Variants in RNF216 observed in about 807,000 individuals in gnomAD.
RNF216 encodes the protein E3 ubiquitin-protein ligase RNF216.
Under a neutral mutation model 110.8 loss-of-function variants are expected in RNF216, and 72 were observed. That is an observed-to-expected ratio of 0.65 (90% CI 0.54 to 0.79). RNF216 has a LOEUF of 0.79. Among genes scored for constraint, RNF216 ranks in the 30% least tolerant of loss-of-function variants. The pLI is 0.00. For missense variants in RNF216, 1,342 were observed against 1,141.2 expected, an observed-to-expected ratio of 1.18 and a Z score of -2.54; for synonymous variants, 495 against 407.5, an observed-to-expected ratio of 1.21 and a Z score of -2.59.
chr7:5,711,870 T>C (rs1792718162), intron 12 of RNF216, 31 bp from the exon 13 acceptor site: 3 of 1,593,606 alleles, frequency 1.9e-6, no homozygotes. Context: ...CTGACATTAC[T>C]TCAAACATTA....
intron 13 of RNF216, among the ~76,000 whole-genome samples, chr7:5,655,243 T>C (rs537937977): frequency 6.6e-6 from 1 of 152,102 alleles, no homozygotes; most frequent in South Asian, 2.1e-4. Flanking sequence ...TACGTCACAG[T>C]GCTTCTTCTG....
chr7:5,757,576 T>C (rs999793232), intron 2 of RNF216, among the ~76,000 whole-genome samples: 17 of 152,224 alleles, frequency 1.1e-4, no homozygotes, highest in Admixed American at 1.0e-3. Flanking sequence ...AATGAGTTAC[T>C]GATATATGCA....
intron 3 of RNF216, among the ~76,000 whole-genome samples, chr7:5,744,178 A>C (rs1287809885): frequency 6.6e-6 from 1 of 152,150 alleles, no homozygotes; most frequent in East Asian, 1.9e-4. Flanking sequence ...AAGAAGAAGA[A>C]TCGAACGCAA....
chr7:5,726,252 G>C (rs1275299410), intron 7 of RNF216, among the ~76,000 whole-genome samples: 1 of 152,160 alleles, frequency 6.6e-6, no homozygotes, highest in African/African-American at 2.4e-5. Flanking sequence ...CTCCATCCTG[G>C]GTAACACAGG....
chr7:5,645,108 C>T (rs1371104080), intron 14 of RNF216, among the ~76,000 whole-genome samples: 1 of 152,076 alleles, frequency 6.6e-6, no homozygotes, highest in South Asian at 2.1e-4. Context: ...AGCCACCGTG[C>T]CCCGCCTGTT....
chr7:5,674,958 C>T (rs1276036475), intron 13 of RNF216, among the ~76,000 whole-genome samples: 1 of 152,028 alleles, frequency 6.6e-6, no homozygotes, highest in Non-Finnish European at 1.5e-5. Context: ...GATCGCGCCA[C>T]TGCACTCCAG....
chr7:5,626,100 C>A (rs1562766487), intron 15 of RNF216, among the ~76,000 whole-genome samples: 1 of 152,192 alleles, frequency 6.6e-6, no homozygotes, highest in Non-Finnish European at 1.5e-5. Flanking sequence ...CCCAAGCACA[C>A]CACAGAATCC....
intron 3 of RNF216, among the ~76,000 whole-genome samples, chr7:5,751,178 G>A (rs1047711255): frequency 6.6e-6 from 1 of 152,106 alleles, no homozygotes; most frequent in African/African-American, 2.4e-5. Flanking sequence ...TCTTTCTCCA[G>A]CTGGAACAAC....
chr7:5,630,646 G>A (rs951464932), intron 15 of RNF216, among the ~76,000 whole-genome samples: 9 of 152,078 alleles, frequency 5.9e-5, no homozygotes, highest in Non-Finnish European at 8.8e-5. Context: ...TCCCACCTCC[G>A]CCTCCCAAAG....
At chr7:5,678,485 G>A (rs1018800994) in intron 13 of RNF216, among the ~76,000 whole-genome samples, 10 of 152,170 alleles carry the variant, frequency 6.6e-5, no homozygotes, top group Non-Finnish European at 7.4e-5. Context: ...GTCCCCACAT[G>A]ACCTGGTGGT....
intron 15 of RNF216, among the ~76,000 whole-genome samples, chr7:5,639,727 T>C (rs972429366): frequency 2.6e-5 from 4 of 151,958 alleles, no homozygotes; most frequent in African/African-American, 2.4e-5. Flanking sequence ...CCCAAAGTGC[T>C]AGGATTATAG....
At position 5,624,508 on chromosome 7, in the gene RNF216, A is replaced by G. The variant is rs1187465663; in HGVS notation, c.2383-383T>C. On this transcript the variant is annotated intron_variant, in intron 15 of 16. Transcript: ENST00000389902. This position sits in a 1 kb window ranked among gnomAD's most constrained non-coding sequence, Gnocchi z 4.4. ...GAAAAGTTTCAGATCCCAAGTCCACAAGCGCTCGGCATGGCAGCCTGTCTG... is the reference window on the plus strand; with the variant it reads ...GAAAAGTTTCAGATCCCAAGTCCACGAGCGCTCGGCATGGCAGCCTGTCTG... 6.6e-6 allele frequency among the ~76,000 whole-genome samples: 1 copy of G among 152,250 alleles called. No homozygotes were observed. The highest frequency in any genetic ancestry group is 1.5e-5 in the Non-Finnish European group (1 of 68,038).
intron 7 of RNF216, among the ~76,000 whole-genome samples, chr7:5,728,659 G>A (rs537043431): frequency 2.0e-5 from 3 of 152,288 alleles, no homozygotes; most frequent in Non-Finnish European, 4.4e-5. Context: ...CCTTGGCTTG[G>A]TTCTTCCCTT....
At chr7:5,738,463 C>CTT (rs1794563128) in intron 5 of RNF216, among the ~76,000 whole-genome samples, 1 of 152,056 alleles carries the variant, frequency 6.6e-6, no homozygotes, top group African/African-American at 2.4e-5. Context: ...AATCCCAGCA[C>CTT]TTTGGGAGGC....
intron 15 of RNF216, among the ~76,000 whole-genome samples, chr7:5,628,457 G>T (rs756690726): frequency 6.6e-6 from 1 of 151,954 alleles, no homozygotes; most frequent in Non-Finnish European, 1.5e-5. Context: ...CAACTTAAAA[G>T]TTTTTTTTCT....
chr7:5,774,291 G>C (rs1468379345), intron 1 of RNF216, among the ~76,000 whole-genome samples: 1 of 152,146 alleles, frequency 6.6e-6, no homozygotes, highest in South Asian at 2.1e-4. Context: ...ATTAGTTGCG[G>C]GTAGGTAGAG....
intron 14 of RNF216, 94 bp downstream of exon 14, chr7:5,652,319 G>A (rs1047363454): frequency 1.7e-5 from 15 of 894,406 alleles, no homozygotes; most frequent in Admixed American, 7.1e-5. Flanking sequence ...GCTCAAGCGT[G>A]TTCTTCCGAC....
At chr7:5,770,556 T>C (rs996556558) in intron 1 of RNF216, among the ~76,000 whole-genome samples, 2 of 152,056 alleles carry the variant, frequency 1.3e-5, no homozygotes, top group Non-Finnish European at 2.9e-5. Context: ...TTTGCAAAGA[T>C]GTCCTTTCAC....
At chr7:5,651,478 T>A (rs1321702773) in intron 14 of RNF216, among the ~76,000 whole-genome samples, 2 of 152,238 alleles carry the variant, frequency 1.3e-5, no homozygotes, top group East Asian at 1.9e-4. Context: ...GCGATCTACC[T>A]GCCTTAGCCT....
Sources: gnomAD v4.1 joint callset for allele counts (sites outside exome capture counted in the v4.1 genomes callset) on GRCh38, gnomAD v4.1.1 for gene constraint, Gnocchi (gnomAD v3.1) non-coding constraint, MANE v1.5 for transcripts, NCBI Gene and HGNC (gene_info 2026-07-23, HGNC 2026-07-21) for gene names.